GALT: variants seen among roughly 807,000 people sequenced by gnomAD.
GALT encodes the protein galactose-1-phosphate uridylyltransferase.
A neutral mutation model predicts 55.4 loss-of-function variants in GALT; 42 were observed. The ratio of observed to expected loss-of-function variants is 0.76; its 90% CI spans 0.59 to 0.98. The LOEUF (loss-of-function observed/expected upper bound fraction) is 0.98, where lower values mean the gene tolerates loss of function less well. Among genes scored for constraint, GALT ranks in the 50% least tolerant of loss-of-function variants. The pLI is 0.00. For missense variants in GALT, 407 were observed against 495.7 expected (o/e 0.82, Z 1.70); for synonymous variants, 154 against 181.5 (o/e 0.85, Z 1.22).
At chr9:34,650,344 T>C (rs1365846378) in intron 10 of GALT, 25 bp from the exon 11 acceptor site, 21 of 1,589,588 alleles carry the variant, frequency 1.3e-5, no homozygotes, top group Non-Finnish European at 1.7e-5. Flanking sequence ...TTATCCTCCT[T>C]AATTGCTCCC....
chr9:34,650,462 C>G lies in GALT; in HGVS notation c.*13C>G. ...AACCATCGCCTGACCACGCCGACCA[C>G]AGGGCCTTGAATCCTTTTTTGTTTT... is the stretch of plus-strand genomic sequence containing the variant. On this transcript the variant is annotated 3_prime_UTR_variant, in exon 11 of 11. Transcript: ENST00000378842. The G allele has an allele frequency of 6.2e-7, 1 of 1,613,072 alleles. No homozygotes were observed. The highest frequency in any genetic ancestry group is 8.5e-7 in the Non-Finnish European group (1 of 1,179,144).
chr9:34,648,190 C>T lies in GALT; in HGVS notation c.564+19C>T. The T allele has an allele frequency of 6.2e-7, 1 of 1,614,054 alleles. No homozygotes were observed. Among genetic ancestry groups the T allele is most frequent in the East Asian group, 2.2e-5 (1 of 44,890 alleles). On this transcript the variant is annotated intron_variant, in intron 6 of 10. Coordinates refer to ENST00000378842, the MANE Select transcript of GALT (RefSeq NM_000155.4). The surrounding 1 kb of genome is among the most constrained non-coding windows in gnomAD (Gnocchi z 4.9). ...CTGCCAGGTAAGGGTGTCAGGGGCT[C>T]CAGTGGGTTTCTTGGCTGAGTCTGA...
In GALT at chr9:34,648,629, G is replaced by T; in HGVS notation, c.688-133G>T. ...GATGATGGTGACTTAGACTCGGGTG[G>T]TTAGTGGTAGAGGTGGTGAGAAGAC... On this transcript the variant is annotated intron_variant, in intron 7 of 10. Coordinates refer to ENST00000378842, the MANE Select transcript of GALT (RefSeq NM_000155.4). This position sits in a 1 kb window ranked among gnomAD's most constrained non-coding sequence, Gnocchi z 4.9. 1.3e-6 allele frequency: 2 copies of T among 1,482,894 alleles called. No homozygotes were observed. The highest frequency in any genetic ancestry group is 1.9e-6 in the Non-Finnish European group (2 of 1,068,824). The allele number at this position is 1,482,894 out of a possible 1,614,324, so 91.9% of individuals were successfully genotyped here.
intron 10 of GALT, 192 bp downstream of exon 10, chr9:34,649,756 G>C (rs1821207963): frequency 4.9e-6 from 3 of 613,928 alleles, no homozygotes; most frequent in Non-Finnish European, 8.6e-6. Flanking sequence ...CTTCTCTCCT[G>C]CTTCCTCCAG....
In GALT at chr9:34,648,968, C is replaced by T; in HGVS notation, c.821-30C>T. 1 of 1,613,786 alleles carries T rather than the reference C, an allele frequency of 6.2e-7. No homozygotes were observed. The highest frequency in any genetic ancestry group is 8.5e-7 in the Non-Finnish European group (1 of 1,179,892). On this transcript the variant is annotated intron_variant, in intron 8 of 10. Transcript: ENST00000378842. The surrounding 1 kb of genome is among the most constrained non-coding windows in gnomAD (Gnocchi z 4.9). Reference sequence around the variant, plus strand: ...CTCCCAGTAGGGTCAGCATCTGGACCCCAGGCTGAGAGTCAGGCTCTGATT... The same window carrying T: ...CTCCCAGTAGGGTCAGCATCTGGACTCCAGGCTGAGAGTCAGGCTCTGATT...
At position 34,648,524 on chromosome 9, in the gene GALT, T is replaced by C; in HGVS notation, c.687+68T>C. The C allele has an allele frequency of 6.2e-7, 1 of 1,611,544 alleles. No individual in the cohort carries two copies. Among genetic ancestry groups the C allele is most frequent in the Non-Finnish European group, 8.5e-7 (1 of 1,178,174 alleles). On this transcript the variant is annotated intron_variant, in intron 7 of 10. Transcript: ENST00000378842. The surrounding 1 kb of genome is among the most constrained non-coding windows in gnomAD (Gnocchi z 4.9). ...TTTCTTATCCCATGAGAGAGGTGTGTAAAGGAGAAAGCTAGAGGTGAACTA... is the reference window on the plus strand; with the variant it reads ...TTTCTTATCCCATGAGAGAGGTGTGCAAAGGAGAAAGCTAGAGGTGAACTA...
intron 10 of GALT, chr9:34,650,156 A>G: frequency 1.7e-6 from 1 of 574,458 alleles, no homozygotes; most frequent in South Asian, 2.1e-5. Context: ...GGTGGCATAT[A>G]CTTGTGGTCC....
In GALT at chr9:34,648,879, C is replaced by G. The variant is rs1351126547; in HGVS notation, c.805C>G (p.Pro269Ala). Reference protein sequence around the residue: ...RHVRRLPELTPAERDDLASIM... With the variant: ...RHVRRLPELTAAERDDLASIM... The stretch of plus-strand genomic sequence containing the variant: ...TGTGCGGCGGCTACCTGAGCTGACC[C>G]CTGCTGAGCGTGATGGTCAGTCTCC... The change falls in exon 8 of 11, where the codon CCT becomes GCT. Residue 269 changes from proline (P) to alanine (A), a missense_variant. Transcript: ENST00000378842. The surrounding 1 kb of genome is among the most constrained non-coding windows in gnomAD (Gnocchi z 4.9). 1 of 1,613,106 alleles carries G rather than the reference C, an allele frequency of 6.2e-7. No individual in the cohort carries two copies. The highest frequency in any genetic ancestry group is 1.7e-5 in the Admixed American group (1 of 59,998).
chr9:34,646,972 C>T, intron 1 of GALT, 117 bp from the exon 2 acceptor site: 1 of 1,605,742 alleles, frequency 6.2e-7, no homozygotes, highest in Non-Finnish European at 8.5e-7. Flanking sequence ...GGGCCTCTAG[C>T]TCCTGAGCGG....
intron 10 of GALT, chr9:34,650,125 T>G: frequency 2.0e-6 from 1 of 497,714 alleles, no homozygotes; most frequent in Non-Finnish European, 3.6e-6. Flanking sequence ...ACAAAAAAAA[T>G]TTAAAAAGTT....
At chr9:34,649,291 C>T (rs1385663065) in intron 9 of GALT, 119 bp from the exon 10 acceptor site, 1 of 1,426,106 alleles carries the variant, frequency 7.0e-7, no homozygotes, top group East Asian at 2.3e-5. Context: ...CAGCTCTTCT[C>T]AAGCAGGGGA....
Position 34,650,362 on chromosome 9 carries a change from T to C in GALT, c.1060-7T>C. 1 of 1,612,430 alleles carries C rather than the reference T, an allele frequency of 6.2e-7. No homozygotes were observed. Among genetic ancestry groups the C allele is most frequent in the Non-Finnish European group, 8.5e-7 (1 of 1,179,122 alleles). On this transcript the variant is annotated splice_polypyrimidine_tract_variant and splice_region_variant and intron_variant, in intron 10 of 10. Coordinates refer to ENST00000378842, the MANE Select transcript of GALT (RefSeq NM_000155.4). The stretch of plus-strand genomic sequence containing the variant: ...TCCTCCTTAATTGCTCCCTGTCCCT[T>C]TTCCAGGCTGCAGAGAGACTAAGGG...
rs1587241773 is a variant in GALT at position 34,650,380 on chromosome 9, A to G, written c.1071A>G (p.Arg357=). The G allele has an allele frequency of 1.9e-6, 3 of 1,613,774 alleles. No individual in the cohort carries two copies. Among genetic ancestry groups the G allele is most frequent in the Non-Finnish European group, 8.5e-7 (1 of 1,179,930 alleles). The change falls in exon 11 of 11, where the codon AGA becomes AGG. Residue 357 remains arginine (R), a synonymous_variant. Transcript: ENST00000378842. Reference sequence around the variant, plus strand: ...TGTCCCTTTTCCAGGCTGCAGAGAGACTAAGGGCACTTCCTGAGGTTCATT... The same window carrying G: ...TGTCCCTTTTCCAGGCTGCAGAGAGGCTAAGGGCACTTCCTGAGGTTCATT... ...RDLTPEQAAE[R]LRALPEVHYH... is the part of the protein sequence containing the mutation.
Position 34,648,820 on chromosome 9 carries a change from G to T in GALT, c.746G>T (p.Trp249Leu). The change falls in exon 8 of 11, where the codon TGG becomes TTG. Residue 249 changes from tryptophan (W) to leucine (L), a missense_variant. Trp to Leu is a moderately conservative substitution (Grantham distance 61). Coordinates refer to ENST00000378842, the MANE Select transcript of GALT (RefSeq NM_000155.4). The surrounding 1 kb of genome is among the most constrained non-coding windows in gnomAD (Gnocchi z 4.9). ...GTACTGGTCCCCTTCTGGGCAACAT[G>T]GCCCTACCAGACACTGCTGCTGCCC... ...WLVLVPFWAT[W>L]PYQTLLLPRR... 3 of 1,613,326 alleles carry T rather than the reference G, an allele frequency of 1.9e-6. No individual in the cohort carries two copies. In the East Asian group the frequency reaches 6.7e-5, roughly 36 times the overall value.
At chr9:34,646,864 G>A (rs1457679655) in intron 1 of GALT, 78 bp downstream of exon 1, 2 of 1,609,448 alleles carry the variant, frequency 1.2e-6, no homozygotes, top group East Asian at 2.2e-5. Context: ...CGTCCCCTCC[G>A]AAGGTTGGAA....
At position 34,647,974 on chromosome 9, in the gene GALT, G is replaced by A. The variant is rs777981871; in HGVS notation, c.507+13G>A. On this transcript the variant is annotated intron_variant, in intron 5 of 10. Transcript: ENST00000378842. The surrounding 1 kb of genome is among the most constrained non-coding windows in gnomAD (Gnocchi z 5.6). Reference sequence around the variant, plus strand: ...CCCTTGGGTGCAGGTTTGTGAGGTCGCCCCTTCCCCTGGATGGGCAGGGAG... The same window carrying A: ...CCCTTGGGTGCAGGTTTGTGAGGTCACCCCTTCCCCTGGATGGGCAGGGAG... 3.7e-6 allele frequency: 6 copies of A among 1,614,068 alleles called. No individual in the cohort carries two copies. The highest frequency in any genetic ancestry group is 2.2e-5 in the East Asian group (1 of 44,898).
At position 34,647,158 on chromosome 9, in the gene GALT, G is replaced by A. The variant is rs111033648; in HGVS notation, c.152G>A (p.Arg51Gln). 3 of 1,614,178 alleles carry A rather than the reference G, an allele frequency of 1.9e-6. No individual in the cohort carries two copies. The highest frequency in any genetic ancestry group is 2.5e-6 in the Non-Finnish European group (3 of 1,180,032). Residue 51 changes from arginine to glutamine, a missense_variant, in exon 2 of 11, where the codon CGG becomes CAG. Arg to Gln is a conservative substitution (Grantham distance 43). Coordinates refer to ENST00000378842, the MANE Select transcript of GALT (RefSeq NM_000155.4). This position sits in a 1 kb window ranked among gnomAD's most constrained non-coding sequence, Gnocchi z 5.6. ...CTGGTGTCAGCTCACCGCATGAAGC[G>A]GCCCTGGCAGGGTCAAGTGGAGCCC... ...WVLVSAHRMK[R>Q]PWQGQVEPQL... is the part of the protein sequence containing the mutation.
rs115812481 is a variant in GALT, at chr9:34,648,045, C to A, written c.508-70C>A. On this transcript the variant is annotated intron_variant, in intron 5 of 10. Transcript: ENST00000378842. The surrounding 1 kb of genome is among the most constrained non-coding windows in gnomAD (Gnocchi z 4.9). ...CTGGGGAGTAACATTTCTGTTTCCA[C>A]AGGGTGTGGTCAGGAGGGAGTTGAC... is the stretch of plus-strand genomic sequence containing the variant. 3.1e-4 allele frequency: 494 copies of A among 1,614,152 alleles called. No homozygotes were observed. The African/African-American group carries it at 6.1e-3, about 20-fold the overall frequency.
chr9:34,649,646 C>G (rs1587241038), intron 10 of GALT, 82 bp downstream of exon 10: 1 of 1,525,442 alleles, frequency 6.6e-7, no homozygotes, highest in East Asian at 2.3e-5. Context: ...TGCCCTTGTG[C>G]TCCAGTCATT....
Sources: gnomAD v4.1 joint callset for allele counts on GRCh38, gnomAD v4.1.1 for gene constraint, Gnocchi (gnomAD v3.1) non-coding constraint, MANE v1.5 for transcripts, NCBI Gene and HGNC (gene_info 2026-07-23, HGNC 2026-07-21) for gene names.